Variants in EVI5 observed in about 807,000 individuals in gnomAD.
EVI5 encodes ecotropic viral integration site 5.
A neutral mutation model predicts 112.0 loss-of-function variants in EVI5; 73 were observed. The observed-to-expected ratio is 0.65, with a 90% CI of 0.54 to 0.79. The LOEUF (loss-of-function observed/expected upper bound fraction) is 0.79, where lower values mean the gene tolerates loss of function less well. EVI5 is among the 30% of genes least tolerant of loss of function. EVI5 has a pLI of 0.00. For synonymous variants in EVI5, 305 were observed against 319.9 expected (o/e 0.95, Z 0.50); for missense variants, 900 against 968.8 (o/e 0.93, Z 0.94).
In EVI5 at chr1:92,534,161, T is replaced by C. The variant is rs1369839092; in HGVS notation, c.2167-20191A>G. 2.6e-5 allele frequency among the ~76,000 whole-genome samples: 4 copies of C among 152,110 alleles called. No homozygotes were observed. The East Asian group carries it at 7.7e-4, about 29-fold the overall frequency. ...AACAGACAAACAGAGAGCCAAATCA[T>C]GAGTGAACTCCCATTCATAACTACT... On this transcript the variant is annotated intron_variant, in intron 19 of 19. Transcript: ENST00000684568.
At chr1:92,636,849 A>G (rs1049160352) in intron 13 of EVI5, among the ~76,000 whole-genome samples, 2 of 152,224 alleles carry the variant, frequency 1.3e-5, no homozygotes, top group Non-Finnish European at 2.9e-5. Context: ...TTTTGAATAT[A>G]CTGAGGTAAA....
At chr1:92,663,344 G>C (rs752840079) in intron 12 of EVI5, 76 bp downstream of exon 12, 26 of 666,948 alleles carry the variant, frequency 3.9e-5, no homozygotes, top group Non-Finnish European at 5.7e-5. Context: ...ATTAAAATAT[G>C]AATTTCGAGG....
intron 16 of EVI5, among the ~76,000 whole-genome samples, chr1:92,621,219 C>T (rs1654494987): frequency 6.6e-6 from 1 of 152,112 alleles, no homozygotes; most frequent in Non-Finnish European, 1.5e-5. Flanking sequence ...AACAAAATAG[C>T]TAGCAAGGTG....
At chr1:92,537,240 A>AC (rs1664056802) in intron 19 of EVI5, among the ~76,000 whole-genome samples, 2 of 152,198 alleles carry the variant, frequency 1.3e-5, no homozygotes, top group African/African-American at 4.8e-5. Context: ...ACTGCAAAAC[A>AC]GTTGCAGTAA....
At chr1:92,631,674 C>T (rs1404003585) in intron 14 of EVI5, among the ~76,000 whole-genome samples, 2 of 152,150 alleles carry the variant, frequency 1.3e-5, no homozygotes, top group Non-Finnish European at 1.5e-5. Flanking sequence ...CCCTTTATTT[C>T]CTTCTCCTGC....
At chr1:92,635,486 G>A (rs989302698) in intron 14 of EVI5, among the ~76,000 whole-genome samples, 1 of 152,208 alleles carries the variant, frequency 6.6e-6, no homozygotes, top group Non-Finnish European at 1.5e-5. Flanking sequence ...GCCAGGCACA[G>A]GACATAACCT....
At chr1:92,607,771 C>G (rs772178679) in intron 16 of EVI5, 44 bp from the exon 17 acceptor site, 3 of 1,410,622 alleles carry the variant, frequency 2.1e-6, no homozygotes, top group Non-Finnish European at 2.9e-6. Context: ...GATACAAGAC[C>G]TAAAAATTAA....
chr1:92,709,529 T>TA (rs1273952781), intron 2 of EVI5, among the ~76,000 whole-genome samples: 1 of 152,202 alleles, frequency 6.6e-6, no homozygotes, highest in East Asian at 1.9e-4. Flanking sequence ...AAGGAAGATA[T>TA]AAACATGACT....
chr1:92,778,973 A>G lies in EVI5; in HGVS notation c.-82+5863T>C, dbSNP rs561580650. On this transcript the variant is annotated intron_variant, in intron 1 of 19. Transcript: ENST00000684568. ...AGATTCTGACGTATTAGCAGCAGGG[A>G]TTTTTTTTTTTAATTCTCCATGTGA... Among the ~76,000 whole-genome samples, 64 of 148,400 alleles carry G rather than the reference A, an allele frequency of 4.3e-4. 2 individuals are homozygous for G. Among genetic ancestry groups the G allele is most frequent in the Admixed American group, 4.0e-3 (60 of 14,842 alleles).
At chr1:92,634,361 G>A (rs1163505666) in intron 14 of EVI5, among the ~76,000 whole-genome samples, 5 of 152,070 alleles carry the variant, frequency 3.3e-5, no homozygotes, top group Admixed American at 1.3e-4. Flanking sequence ...CATATTTCTT[G>A]GAGACTTTTT....
intron 4 of EVI5, 77 bp downstream of exon 4, chr1:92,703,318 G>A (rs1264574174): frequency 1.1e-6 from 1 of 878,762 alleles, no homozygotes; most frequent in Non-Finnish European, 1.7e-6. Context: ...GGGAGGTCAT[G>A]CTTCATCATG....
intron 1 of EVI5, among the ~76,000 whole-genome samples, chr1:92,748,777 T>C (rs1183619387): frequency 6.6e-6 from 1 of 152,058 alleles, no homozygotes; most frequent in Non-Finnish European, 1.5e-5. Context: ...AAAATATAAA[T>C]ACATATTGGC....
intron 1 of EVI5, among the ~76,000 whole-genome samples, chr1:92,755,510 C>T (rs1244869109): frequency 6.6e-6 from 1 of 152,206 alleles, no homozygotes; most frequent in Non-Finnish European, 1.5e-5. Flanking sequence ...TGAATACATT[C>T]ATTCATACAG....
intron 19 of EVI5, among the ~76,000 whole-genome samples, chr1:92,544,660 CT>C (rs1441979462): frequency 8.5e-5 from 13 of 152,166 alleles, no homozygotes; most frequent in East Asian, 1.9e-4. Context: ...GTAGTATTCA[CT>C]TTTTTTCAGA....
intron 19 of EVI5, among the ~76,000 whole-genome samples, chr1:92,529,942 CAT>C (rs1232090966): frequency 7.2e-5 from 11 of 152,050 alleles, no homozygotes; most frequent in African/African-American, 2.4e-5. Flanking sequence ...CTTATTAACA[CAT>C]GATTGAATAT....
At position 92,564,742 on chromosome 1, in the gene EVI5, C is replaced by T. The variant is rs564238870; in HGVS notation, c.2071-1005G>A. On this transcript the variant is annotated intron_variant, in intron 18 of 19. Coordinates refer to ENST00000684568, the MANE Select transcript of EVI5 (RefSeq NM_001350197.2). ...TCACCCAGGCTGGAGTGCAATGGCG[C>T]GATTTCGGCTCATTGCAACCTCTGC... 3.8e-3 allele frequency among the ~76,000 whole-genome samples: 572 copies of T among 150,252 alleles called. 2 individuals carry two copies. Among genetic ancestry groups the T allele is most frequent in the African/African-American group, 0.013 (538 of 40,780 alleles).
At chr1:92,663,362 C>T in intron 12 of EVI5, 58 bp downstream of exon 12, 1 of 844,402 alleles carries the variant, frequency 1.2e-6, no homozygotes, top group South Asian at 2.0e-5. Context: ...AGGTTTAGGA[C>T]TTTCCTTAGA....
intron 1 of EVI5, among the ~76,000 whole-genome samples, chr1:92,745,005 G>C (rs1570726092): frequency 6.6e-6 from 1 of 151,692 alleles, no homozygotes; most frequent in Non-Finnish European, 1.5e-5. Context: ...ATCATGGCTT[G>C]TTGCAGTCTC....
chr1:92,589,700 C>T (rs970819794), intron 18 of EVI5, among the ~76,000 whole-genome samples: 1 of 152,174 alleles, frequency 6.6e-6, no homozygotes, highest in Non-Finnish European at 1.5e-5. Context: ...CAGGGCATAG[C>T]CAAACAAAAG....
Sources: gnomAD v4.1 joint callset for allele counts (sites outside exome capture counted in the v4.1 genomes callset) on GRCh38, gnomAD v4.1.1 for gene constraint, MANE v1.5 for transcripts, NCBI Gene and HGNC (gene_info 2026-07-23, HGNC 2026-07-21) for gene names.